DRC11: variants seen among roughly 807,000 people sequenced by gnomAD.
DRC11 encodes the protein dynein regulatory complex subunit 11, also known as IQ and AAA domain-containing protein 1.
the DRC11 span, among the ~76,000 whole-genome samples, chr2:236,376,702 TC>T: frequency 6.6e-6 from 1 of 152,222 alleles, no homozygotes; most frequent in Admixed American, 6.5e-5. This position sits in a 1 kb window ranked among gnomAD's most constrained non-coding sequence, Gnocchi z 5.7. Context: ...TTGGAAGGTA[TC>T]TTTTGGAAAG....
the DRC11 span, among the ~76,000 whole-genome samples, chr2:236,326,836 G>C: frequency 7.0e-6 from 1 of 142,880 alleles, no homozygotes; most frequent in Non-Finnish European, 1.5e-5. Flanking sequence ...GTGTGTGTGT[G>C]TGTGTTTGAG....
At chr2:236,427,469 T>A in the DRC11 span, among the ~76,000 whole-genome samples, 1 of 152,156 alleles carries the variant, frequency 6.6e-6, no homozygotes, top group Non-Finnish European at 1.5e-5. This position sits in a 1 kb window ranked among gnomAD's most constrained non-coding sequence, Gnocchi z 5.9. Flanking sequence ...TGATTTTCTA[T>A]TTTTTCATGA....
At chr2:236,318,408 C>G in the DRC11 span, among the ~76,000 whole-genome samples, 2 of 152,156 alleles carry the variant, frequency 1.3e-5, no homozygotes, top group Admixed American at 1.3e-4. The surrounding 1 kb of genome is among the most constrained non-coding windows in gnomAD (Gnocchi z 7.0). Flanking sequence ...TGGGACTGCA[C>G]GCATGCCTAC....
At chr2:236,357,071 TATTA>T in the DRC11 span, among the ~76,000 whole-genome samples, 5 of 100,084 alleles carry the variant, frequency 5.0e-5, 1 homozygote, top group South Asian at 7.7e-4. Context: ...TATATTCATA[TATTA>T]TATATCTATA....
chr2:236,459,512 C>CGT, the DRC11 span, among the ~76,000 whole-genome samples: 5 of 89,882 alleles, frequency 5.6e-5, no homozygotes, highest in African/African-American at 1.7e-4. Context: ...TATACGTATA[C>CGT]GTATACATGT....
chr2:236,368,080 A>G, the DRC11 span: 2 of 729,528 alleles, frequency 2.7e-6, no homozygotes, highest in South Asian at 3.0e-5. Flanking sequence ...AATTCTCAGT[A>G]GGAAAAGTTA....
the DRC11 span, among the ~76,000 whole-genome samples, chr2:236,414,883 C>T: frequency 6.6e-6 from 1 of 152,170 alleles, no homozygotes; most frequent in Non-Finnish European, 1.5e-5. Context: ...CAGAGATCCA[C>T]CATGACAATC....
the DRC11 span, among the ~76,000 whole-genome samples, chr2:236,348,856 T>C: frequency 6.6e-6 from 1 of 152,138 alleles, no homozygotes. The surrounding 1 kb of genome is among the most constrained non-coding windows in gnomAD (Gnocchi z 7.4). Flanking sequence ...CAATACCACC[T>C]TGAGGGCTGA....
the DRC11 span, among the ~76,000 whole-genome samples, chr2:236,315,152 T>G: frequency 4.6e-5 from 7 of 152,212 alleles, no homozygotes; most frequent in Admixed American, 3.9e-4. The surrounding 1 kb of genome is among the most constrained non-coding windows in gnomAD (Gnocchi z 5.1). Flanking sequence ...AAACACTTGT[T>G]TTCATTGTTG....
At chr2:236,375,546 T>G in the DRC11 span, among the ~76,000 whole-genome samples, 1 of 152,244 alleles carries the variant, frequency 6.6e-6, no homozygotes, top group South Asian at 2.1e-4. The surrounding 1 kb of genome is among the most constrained non-coding windows in gnomAD (Gnocchi z 4.2). Context: ...AAAACATATC[T>G]TAATAAATAT....
the DRC11 span, among the ~76,000 whole-genome samples, chr2:236,474,033 T>C: frequency 2.6e-5 from 4 of 152,198 alleles, no homozygotes; most frequent in African/African-American, 7.2e-5. Flanking sequence ...TAACCAGTGA[T>C]ATAGTGGAAA....
chr2:236,463,217 A>G, the DRC11 span, among the ~76,000 whole-genome samples: 10 of 152,360 alleles, frequency 6.6e-5, no homozygotes, highest in African/African-American at 1.9e-4. This position sits in a 1 kb window ranked among gnomAD's most constrained non-coding sequence, Gnocchi z 5.0. Flanking sequence ...ATAGAATTTT[A>G]TAAGTTTTGA....
chr2:236,425,206 T>C, the DRC11 span, among the ~76,000 whole-genome samples: 7 of 151,998 alleles, frequency 4.6e-5, 1 homozygote, highest in African/African-American at 1.5e-4. Context: ...ATCATATAGT[T>C]CTATTTTTCA....
chr2:236,502,760 C>T, the DRC11 span, among the ~76,000 whole-genome samples: 1 of 151,510 alleles, frequency 6.6e-6, no homozygotes, highest in Non-Finnish European at 1.5e-5. Flanking sequence ...TCACTATCTG[C>T]TCCTGTCTAA....
the DRC11 span, among the ~76,000 whole-genome samples, chr2:236,330,917 T>C: frequency 1.1e-4 from 16 of 152,192 alleles, no homozygotes; most frequent in Admixed American, 2.6e-4. This position sits in a 1 kb window ranked among gnomAD's most constrained non-coding sequence, Gnocchi z 5.5. Flanking sequence ...TGATGAGTTA[T>C]CTTGTGGCTT....
At chr2:236,353,998 C>T in the DRC11 span, among the ~76,000 whole-genome samples, 3 of 152,096 alleles carry the variant, frequency 2.0e-5, no homozygotes, top group African/African-American at 7.2e-5. This position sits in a 1 kb window ranked among gnomAD's most constrained non-coding sequence, Gnocchi z 5.0. Context: ...TACTTCAAGT[C>T]CTCACTGCAA....
chr2:236,366,564 C>G, the DRC11 span, among the ~76,000 whole-genome samples: 1 of 152,154 alleles, frequency 6.6e-6, no homozygotes, highest in Non-Finnish European at 1.5e-5. Flanking sequence ...GACCTCATAG[C>G]CCTTTTGGAC....
the DRC11 span, chr2:236,408,307 G>A: frequency 3.8e-6 from 3 of 794,654 alleles, no homozygotes; most frequent in Non-Finnish European, 6.9e-6. The surrounding 1 kb of genome is among the most constrained non-coding windows in gnomAD (Gnocchi z 5.5). Context: ...AGGATGCCAT[G>A]CCCCAATCCA....
chr2:236,419,085 A>G, the DRC11 span: 1 of 1,478,832 alleles, frequency 6.8e-7, no homozygotes. This position sits in a 1 kb window ranked among gnomAD's most constrained non-coding sequence, Gnocchi z 4.8. Flanking sequence ...CATTGACTCA[A>G]AGCAAAGAAG....
Sources: allele counts gnomAD v4.1 joint callset (sites outside exome capture counted in the v4.1 genomes callset), GRCh38; gene constraint gnomAD v4.1.1; non-coding constraint Gnocchi (gnomAD v3.1); transcripts MANE v1.5; gene names NCBI Gene and HGNC (gene_info 2026-07-23, HGNC 2026-07-21).